The following AGBL3 variants were observed in gnomAD, a reference collection of about 807,000 sequenced individuals.
AGBL3 encodes the protein cytosolic carboxypeptidase 3.
AGBL3 carries 68 observed loss-of-function variants against 94.5 expected under a neutral mutation model. The ratio of observed to expected loss-of-function variants is 0.72; its 90% CI spans 0.59 to 0.88. The LOEUF is 0.88. AGBL3 is among the 40% of genes least tolerant of loss of function. AGBL3 has a pLI of 0.00. For missense variants in AGBL3, 934 were observed against 1,103.8 expected (o/e 0.85, Z 2.18); for synonymous variants, 354 against 370.7 (o/e 0.95, Z 0.52).
intron 15 of AGBL3, among the ~76,000 whole-genome samples, chr7:135,111,726 A>G (rs117802353): frequency 0.024 from 3,603 of 152,268 alleles, 69 homozygotes; most frequent in Middle Eastern, 0.11. Context: ...AGAGGAGCCC[A>G]TGTAGGACAT....
At chr7:135,118,459 G>T (rs968032341) in intron 16 of AGBL3, among the ~76,000 whole-genome samples, 33 of 152,108 alleles carry the variant, frequency 2.2e-4, no homozygotes, top group Non-Finnish European at 8.8e-5. Context: ...TGTCAATGGG[G>T]TCCAGATGGG....
At chr7:135,094,163 A>C (rs1822291365) in intron 15 of AGBL3, 1 of 344,100 alleles carries the variant, frequency 2.9e-6, no homozygotes, top group South Asian at 2.3e-5. Flanking sequence ...TAGACTTACT[A>C]TTTAAACAGA....
At chr7:135,093,844 C>A (rs1479589440) in intron 15 of AGBL3, 3 of 152,210 alleles carry the variant, frequency 2.0e-5, no homozygotes, top group African/African-American at 4.8e-5. Context: ...GATTTCAAAA[C>A]TGACTACCAA....
rs140501565 is a variant in AGBL3, at chr7:135,065,873, A to C, written c.1908+6638A>C. Among the ~76,000 whole-genome samples the C allele has an allele frequency of 2.8e-3, 432 of 152,328 alleles. 2 individuals are homozygous for C. Among genetic ancestry groups the C allele is most frequent in the African/African-American group, 9.9e-3 (413 of 41,568 alleles). On this transcript the variant is annotated intron_variant, in intron 12 of 16. Coordinates refer to ENST00000436302, the MANE Select transcript of AGBL3 (RefSeq NM_178563.4). ...GCCACTGCACTCGAGCCTGAGCAAC[A>C]GAATGAGACCCTGTATCAAAGAAAC...
At chr7:135,087,487 A>G (rs975321741) in intron 15 of AGBL3, among the ~76,000 whole-genome samples, 2 of 151,862 alleles carry the variant, frequency 1.3e-5, no homozygotes, top group African/African-American at 4.8e-5. Flanking sequence ...CTTTCCTCTT[A>G]GTGCTGCTGT....
At chr7:134,994,324 ACT>A (rs1398146337) in intron 4 of AGBL3, among the ~76,000 whole-genome samples, 2 of 150,164 alleles carry the variant, frequency 1.3e-5, no homozygotes, top group African/African-American at 2.5e-5. Flanking sequence ...TCTTTTTCCC[ACT>A]CTCTGCTTTT....
intron 15 of AGBL3, chr7:135,092,930 T>C (rs1822068222): frequency 6.6e-6 from 1 of 151,930 alleles, no homozygotes; most frequent in African/African-American, 2.4e-5. Context: ...AAAAGGCACA[T>C]GGTCATCTCA....
chr7:135,039,413 G>A (rs7803670), intron 8 of AGBL3, among the ~76,000 whole-genome samples: 73,743 of 151,936 alleles, frequency 0.49, 18,255 homozygotes, highest in South Asian at 0.65. Context: ...GCACTTAGAA[G>A]AAAATGTATA....
intron 12 of AGBL3, among the ~76,000 whole-genome samples, chr7:135,073,754 C>T (rs1037467456): frequency 3.9e-5 from 6 of 151,916 alleles, no homozygotes; most frequent in Non-Finnish European, 2.9e-5. Flanking sequence ...CTACATACAC[C>T]GGTAATTAGA....
intron 16 of AGBL3, among the ~76,000 whole-genome samples, chr7:135,127,295 G>A (rs1394481537): frequency 6.6e-6 from 1 of 151,652 alleles, no homozygotes; most frequent in African/African-American, 2.4e-5. Flanking sequence ...GGTGGCTCAC[G>A]CCTATAATCC....
At chr7:135,031,939 TAG>T (rs889923997) in intron 5 of AGBL3, among the ~76,000 whole-genome samples, 37 of 152,222 alleles carry the variant, frequency 2.4e-4, no homozygotes, top group Non-Finnish European at 4.6e-4. Context: ...AACCGCTATG[TAG>T]ACTGTTGAGG....
intron 8 of AGBL3, among the ~76,000 whole-genome samples, chr7:135,038,331 C>T (rs182165506): frequency 3.3e-5 from 5 of 152,264 alleles, no homozygotes; most frequent in Admixed American, 2.0e-4. Flanking sequence ...CAGGTTTGTT[C>T]GCCAAAGAGG....
intron 15 of AGBL3, among the ~76,000 whole-genome samples, chr7:135,105,155 C>T (rs1180091444): frequency 6.7e-6 from 1 of 149,502 alleles, no homozygotes; most frequent in East Asian, 2.0e-4. Context: ...CTGCAACCTC[C>T]ACCTCCCAGA....
At chr7:135,125,078 C>T (rs1349005858) in intron 16 of AGBL3, among the ~76,000 whole-genome samples, 1 of 151,616 alleles carries the variant, frequency 6.6e-6, no homozygotes, top group African/African-American at 2.4e-5. Flanking sequence ...GATAGAGACA[C>T]AAAAAACTCC....
chr7:135,026,263 T>TTTTATTTTATTTTA (rs1554497762), intron 5 of AGBL3, among the ~76,000 whole-genome samples: 1 of 63,692 alleles, frequency 1.6e-5, no homozygotes, highest in African/African-American at 4.5e-5. Context: ...TTTTATTTTA[T>TTTTATTTTATTTTA]TTTATTTTAT....
At chr7:135,021,125 T>C (rs1814392238) in intron 5 of AGBL3, among the ~76,000 whole-genome samples, 1 of 152,026 alleles carries the variant, frequency 6.6e-6, no homozygotes, top group Admixed American at 6.5e-5. Context: ...CAGTTAACAA[T>C]ATATATGTAG....
At chr7:135,062,346 C>A (rs565284340) in intron 12 of AGBL3, among the ~76,000 whole-genome samples, 1 of 151,928 alleles carries the variant, frequency 6.6e-6, no homozygotes, top group Admixed American at 6.6e-5. Flanking sequence ...GACAATTTAA[C>A]TTCTTCCTTT....
intron 15 of AGBL3, among the ~76,000 whole-genome samples, chr7:135,097,452 G>C (rs1376873982): frequency 2.6e-5 from 4 of 152,076 alleles, no homozygotes; most frequent in Non-Finnish European, 5.9e-5. Context: ...AATATTGCTA[G>C]CTAATATTTT....
intron 2 of AGBL3, among the ~76,000 whole-genome samples, chr7:134,988,854 T>G (rs1809838728): frequency 6.6e-6 from 1 of 152,146 alleles, no homozygotes. Context: ...GCCAGGCTGG[T>G]CTCAAACTTC....
Sources: gnomAD v4.1 joint callset for allele counts (sites outside exome capture counted in the v4.1 genomes callset) on GRCh38, gnomAD v4.1.1 for gene constraint, MANE v1.5 for transcripts, NCBI Gene and HGNC (gene_info 2026-07-23, HGNC 2026-07-21) for gene names.